The following FRS2 variants were observed in gnomAD, a reference collection of about 807,000 sequenced individuals.
The protein encoded by FRS2 is fibroblast growth factor receptor substrate 2, also known as FGFR signalling adaptor.
Under a neutral mutation model 43.9 loss-of-function variants are expected in FRS2, and 8 were observed. The observed-to-expected ratio is 0.18, with a 90% CI of 0.11 to 0.33. The LOEUF is 0.33. Ranked by LOEUF, FRS2 falls within the 10% of genes least tolerant of loss-of-function variation. The pLI, the probability that FRS2 is intolerant of heterozygous loss-of-function variation, is 1.00. For missense variants in FRS2, 534 were observed against 627.6 expected (o/e 0.85, Z 1.59); for synonymous variants, 219 against 220.3 (o/e 0.99, Z 0.05).
At position 69,562,179 on chromosome 12, in the gene FRS2, G is replaced by T; in HGVS notation, c.-121-1G>T. 1 of 397,906 alleles carries T rather than the reference G, an allele frequency of 2.5e-6. No homozygotes were observed. The highest frequency in any genetic ancestry group is 1.3e-4 in the South Asian group (1 of 7,842). The allele number at this position is 397,906 out of a possible 1,614,324, so 24.6% of individuals were successfully genotyped here. A position where few individuals can be genotyped will look rare whatever the true frequency, so the allele number is the denominator to read the frequency against. On this transcript the variant is annotated splice_acceptor_variant, in intron 3 of 8. Transcript: ENST00000549921. LOFTEE classifies it low-confidence loss of function (5UTR_SPLICE). Reference sequence around the variant, plus strand: ...TCTCAATGTTTTTCTTCTGTTTTTAGGTTAAATCAGCAAACAAAGAAAACA... The same window carrying T: ...TCTCAATGTTTTTCTTCTGTTTTTATGTTAAATCAGCAAACAAAGAAAACA...
intron 1 of FRS2, among the ~76,000 whole-genome samples, chr12:69,473,368 T>C (rs780965004): frequency 6.6e-6 from 1 of 152,192 alleles, no homozygotes; most frequent in Admixed American, 6.5e-5. Flanking sequence ...TTACAGAGAA[T>C]AAGACTTTTC....
chr12:69,513,337 A>G (rs1647481162), intron 1 of FRS2, among the ~76,000 whole-genome samples: 2 of 151,950 alleles, frequency 1.3e-5, no homozygotes, highest in Admixed American at 6.6e-5. Flanking sequence ...TCATATATAT[A>G]TATTTTATTC....
intron 3 of FRS2, among the ~76,000 whole-genome samples, chr12:69,542,840 A>G (rs1878037209): frequency 6.6e-6 from 1 of 152,212 alleles, no homozygotes; most frequent in African/African-American, 2.4e-5. Context: ...TTTCAATCCT[A>G]GAGTATCTTC....
At chr12:69,554,506 G>A (rs892342865) in intron 3 of FRS2, among the ~76,000 whole-genome samples, 4 of 152,140 alleles carry the variant, frequency 2.6e-5, no homozygotes, top group African/African-American at 9.7e-5. Flanking sequence ...TGCAAAGATA[G>A]TACAGAGATT....
At chr12:69,481,149 A>G (rs572485560) in intron 1 of FRS2, among the ~76,000 whole-genome samples, 44 of 152,134 alleles carry the variant, frequency 2.9e-4, no homozygotes, top group African/African-American at 9.7e-4. Flanking sequence ...TTCTTTTTGC[A>G]TACACACATT....
At chr12:69,519,925 G>A (rs961486842) in intron 1 of FRS2, among the ~76,000 whole-genome samples, 2 of 152,150 alleles carry the variant, frequency 1.3e-5, no homozygotes, top group East Asian at 1.9e-4. Flanking sequence ...GTGTATACCC[G>A]GTAATGGGAT....
chr12:69,565,574 GT>G (rs1880223917), intron 4 of FRS2, among the ~76,000 whole-genome samples: 1 of 151,830 alleles, frequency 6.6e-6, no homozygotes, highest in Non-Finnish European at 1.5e-5. Flanking sequence ...ATTTTTTTCT[GT>G]TTTTAAAATT....
rs1415657683 is a variant in FRS2, at chr12:69,477,737, TTTATTTATTTATTTA to T, written c.-261+7210_-261+7224del. On this transcript the variant is annotated intron_variant, in intron 1 of 8. Transcript: ENST00000549921. ...ATTTATTTATTTATTTATTTATTTA[TTTATTTATTTATTTA>T]TTTTTTGAGACAGAGTCTCGCTCTG... is the stretch of plus-strand genomic sequence containing the variant. Among the ~76,000 whole-genome samples the T allele has an allele frequency of 3.5e-3, 519 of 149,268 alleles. 11 individuals are homozygous for T. The highest frequency in any genetic ancestry group is 0.012 in the African/African-American group (487 of 40,038).
chr12:69,483,626 TTAAG>T (rs1199407594), intron 1 of FRS2, among the ~76,000 whole-genome samples: 6 of 152,134 alleles, frequency 3.9e-5, no homozygotes, highest in East Asian at 1.9e-4. Flanking sequence ...AAACTTTATA[TTAAG>T]TATTTTCCGT....
chr12:69,570,672 C>T (rs948177502), intron 6 of FRS2, among the ~76,000 whole-genome samples, 155 bp downstream of exon 6: 3 of 151,972 alleles, frequency 2.0e-5, no homozygotes, highest in African/African-American at 7.3e-5. Context: ...ATTAATTTAT[C>T]AACTGTTTAT....
chr12:69,569,257 C>G (rs923733599), intron 5 of FRS2, among the ~76,000 whole-genome samples, 161 bp downstream of exon 5: 2 of 152,164 alleles, frequency 1.3e-5, no homozygotes, highest in Admixed American at 6.6e-5. Flanking sequence ...ACAACATTTT[C>G]TTACAGTATG....
intron 3 of FRS2, among the ~76,000 whole-genome samples, chr12:69,553,905 T>TCCATGAATTCATAGTATTGGGGG: frequency 6.6e-6 from 1 of 152,344 alleles, no homozygotes; most frequent in African/African-American, 2.4e-5. Context: ...GCTGTGTGTC[T>TCCATGAATTCATAGTATTGGGGG]CCATGAATTC....
chr12:69,501,373 C>T (rs933684810), intron 1 of FRS2, among the ~76,000 whole-genome samples: 6 of 152,114 alleles, frequency 3.9e-5, no homozygotes, highest in African/African-American at 9.7e-5. Flanking sequence ...GAAAGACATT[C>T]GTGACTCCCG....
chr12:69,515,769 C>CT (rs60246184), intron 1 of FRS2, among the ~76,000 whole-genome samples: 2,357 of 138,376 alleles, frequency 0.017, 57 homozygotes, highest in African/African-American at 0.049. Flanking sequence ...TCATTGAGGT[C>CT]TTTTTTTTTT....
At chr12:69,491,521 T>TC (rs1872492516) in intron 1 of FRS2, 1 of 145,862 alleles carries the variant, frequency 6.9e-6, no homozygotes, top group Non-Finnish European at 1.5e-5. Context: ...TTTTTTTTTT[T>TC]TTTTTTTTGG....
chr12:69,556,344 T>C (rs1879349381), intron 3 of FRS2, among the ~76,000 whole-genome samples: 1 of 152,016 alleles, frequency 6.6e-6, no homozygotes. Flanking sequence ...TTTCTTTCTT[T>C]CTTTTTTTTT....
chr12:69,573,892 G>A (rs1880967223), intron 8 of FRS2, 113 bp from the exon 9 acceptor site: 3 of 645,226 alleles, frequency 4.6e-6, no homozygotes, highest in Non-Finnish European at 7.7e-6. Flanking sequence ...TACATTTGGA[G>A]AGAAAGTTAA....
intron 8 of FRS2, among the ~76,000 whole-genome samples, chr12:69,572,919 C>T (rs886587595): frequency 2.6e-5 from 4 of 152,220 alleles, no homozygotes; most frequent in African/African-American, 9.7e-5. Context: ...CAACCTCCAC[C>T]TCCCGGGTTC....
chr12:69,531,861 T>C (rs1025939583), intron 2 of FRS2, among the ~76,000 whole-genome samples, 153 bp from the exon 3 acceptor site: 10 of 152,196 alleles, frequency 6.6e-5, no homozygotes, highest in Non-Finnish European at 1.0e-4. Flanking sequence ...CACATACTTT[T>C]GTTATTAGAG....
Sources: allele counts gnomAD v4.1 joint callset (sites outside exome capture counted in the v4.1 genomes callset), GRCh38; gene constraint gnomAD v4.1.1; transcripts MANE v1.5; gene names NCBI Gene and HGNC (gene_info 2026-07-23, HGNC 2026-07-21).